Variants in DRC9 observed in about 807,000 individuals in gnomAD.
DRC9 encodes dynein regulatory complex subunit 9.
At chr3:197,918,100 T>A in the DRC9 span, among the ~76,000 whole-genome samples, 4 of 81,694 alleles carry the variant, frequency 4.9e-5, no homozygotes, top group Admixed American at 1.1e-4. Flanking sequence ...CAGTGAATCT[T>A]TTTTTTTTTT....
At chr3:197,952,374 TGGCCA>T in the DRC9 span, among the ~76,000 whole-genome samples, 2 of 152,048 alleles carry the variant, frequency 1.3e-5, no homozygotes. Flanking sequence ...TTCACCATTT[TGGCCA>T]GGCTGGTCTT....
chr3:197,890,665 T>C, the DRC9 span, among the ~76,000 whole-genome samples: 1 of 152,206 alleles, frequency 6.6e-6, no homozygotes, highest in Non-Finnish European at 1.5e-5. Flanking sequence ...TTCAGCTCGT[T>C]CTTAACATGT....
At chr3:197,935,480 A>T in the DRC9 span, among the ~76,000 whole-genome samples, 4,626 of 151,482 alleles carry the variant, frequency 0.031, 265 homozygotes, top group African/African-American at 0.11. Context: ...TGTGATTTTT[A>T]AAATTGTTAA....
chr3:197,905,880 A>C, the DRC9 span, among the ~76,000 whole-genome samples: 2 of 152,186 alleles, frequency 1.3e-5, no homozygotes, highest in Non-Finnish European at 2.9e-5. Context: ...CATCTCAATT[A>C]ATGAAAAAAA....
the DRC9 span, among the ~76,000 whole-genome samples, chr3:197,933,267 C>T: frequency 1.3e-5 from 2 of 151,308 alleles, no homozygotes; most frequent in East Asian, 3.9e-4. Flanking sequence ...ATAGTGAAAC[C>T]TCGTCTCTAC....
At chr3:197,904,874 A>T in the DRC9 span, among the ~76,000 whole-genome samples, 1 of 152,330 alleles carries the variant, frequency 6.6e-6, no homozygotes, top group African/African-American at 2.4e-5. Context: ...AAATTTAAAA[A>T]GGTGGGACAT....
At chr3:197,900,643 G>T in the DRC9 span, among the ~76,000 whole-genome samples, 1 of 150,512 alleles carries the variant, frequency 6.6e-6, no homozygotes, top group African/African-American at 2.5e-5. This position sits in a 1 kb window ranked among gnomAD's most constrained non-coding sequence, Gnocchi z 4.7. Context: ...CAGTAGAATA[G>T]GGCACTGGGC....
the DRC9 span, chr3:197,956,700 TGCAACC>T: frequency 6.6e-6 from 1 of 151,062 alleles, no homozygotes; most frequent in African/African-American, 2.4e-5. Context: ...TACAGCTTAC[TGCAACC>T]TCAACCTCAA....
the DRC9 span, chr3:197,906,844 A>C: frequency 6.6e-6 from 1 of 152,008 alleles, no homozygotes; most frequent in Admixed American, 6.6e-5. Flanking sequence ...AGAGGCCGTG[A>C]CTCTCTGCTG....
At chr3:197,949,949 A>C in the DRC9 span, 1 of 439,752 alleles carries the variant, frequency 2.3e-6, no homozygotes, top group African/African-American at 2.0e-5. Context: ...GGCAACGCAC[A>C]GCTTTGGCGG....
chr3:197,935,850 C>A, the DRC9 span, among the ~76,000 whole-genome samples: 1 of 152,158 alleles, frequency 6.6e-6, no homozygotes, highest in Admixed American at 6.5e-5. Context: ...GCCCTTTCTG[C>A]CTGTAAAGCC....
the DRC9 span, among the ~76,000 whole-genome samples, chr3:197,903,604 C>G: frequency 6.6e-6 from 1 of 152,234 alleles, no homozygotes; most frequent in Non-Finnish European, 1.5e-5. Flanking sequence ...CCACTACACT[C>G]CAGCTTGGGC....
chr3:197,932,186 T>C, the DRC9 span: 2 of 1,612,496 alleles, frequency 1.2e-6, no homozygotes, highest in Non-Finnish European at 1.7e-6. Flanking sequence ...GGCAATGATG[T>C]CATAGAAATG....
the DRC9 span, among the ~76,000 whole-genome samples, chr3:197,919,795 G>C: frequency 6.6e-6 from 1 of 152,124 alleles, no homozygotes; most frequent in Non-Finnish European, 1.5e-5. Context: ...CTGGGAAGTT[G>C]GCACTTGTCT....
At chr3:197,953,596 T>A in the DRC9 span, 2 of 458,266 alleles carry the variant, frequency 4.4e-6, no homozygotes, top group Admixed American at 4.7e-5. Context: ...GCATTTCCCC[T>A]CCCTTTCCAG....
At chr3:197,951,400 C>A in the DRC9 span, 1 of 1,422,568 alleles carries the variant, frequency 7.0e-7, no homozygotes, top group Non-Finnish European at 9.9e-7. Context: ...GTTGCCGAGG[C>A]TGGAATGCAG....
the DRC9 span, among the ~76,000 whole-genome samples, chr3:197,954,880 GT>G: frequency 6.6e-6 from 1 of 152,174 alleles, no homozygotes; most frequent in Non-Finnish European, 1.5e-5. Context: ...CAATTCAACA[GT>G]TACGCCTGGC....
At chr3:197,926,116 T>C in the DRC9 span, 2 of 1,430,440 alleles carry the variant, frequency 1.4e-6, no homozygotes, top group Admixed American at 1.7e-5. Flanking sequence ...CTAGAAGATA[T>C]AAGAATGATT....
chr3:197,943,764 G>A, the DRC9 span: 1 of 1,602,484 alleles, frequency 6.2e-7, no homozygotes, highest in Non-Finnish European at 8.5e-7. Flanking sequence ...AACTCATGGT[G>A]AGTGGGTCTA....
Sources: allele counts gnomAD v4.1 joint callset (sites outside exome capture counted in the v4.1 genomes callset), GRCh38; gene constraint gnomAD v4.1.1; non-coding constraint Gnocchi (gnomAD v3.1); transcripts MANE v1.5; gene names NCBI Gene and HGNC (gene_info 2026-07-23, HGNC 2026-07-21).